The following CHST13 variants were observed in gnomAD, a reference collection of about 807,000 sequenced individuals.
CHST13 encodes the protein carbohydrate sulfotransferase 13.
In CHST13, 1 loss-of-function variant was observed where a neutral mutation model predicts 7.0. The observed-to-expected ratio is 0.14, with a 90% confidence interval of 0.05 to 0.68. The LOEUF (loss-of-function observed/expected upper bound fraction) is 0.68, where lower values mean the gene tolerates loss of function less well. Ranked by LOEUF, CHST13 falls within the 30% of genes least tolerant of loss-of-function variation. CHST13 has a pLI of 0.82. For missense variants in CHST13, 572 were observed against 507.9 expected, an observed-to-expected ratio of 1.13 and a Z score of -1.21; for synonymous variants, 257 against 240.9, an observed-to-expected ratio of 1.07 and a Z score of -0.62.
Position 126,541,959 on chromosome 3 carries a change from G to A in CHST13, c.407G>A (p.Arg136His). 6.3e-7 allele frequency: 1 copy of A among 1,585,280 alleles called. No homozygotes were observed. The highest frequency in any genetic ancestry group is 1.1e-5 in the South Asian group (1 of 87,956). The change falls in exon 3 of 3, where the codon CGC (arginine) becomes CAC (histidine). Residue 136 changes from arginine (R) to histidine (H), a missense_variant. Transcript: ENST00000319340. ...ALSGQARGDP[R>H]AISAQEAHAP... is the part of the protein sequence containing the mutation. Reference sequence around the variant, plus strand: ...AGCGGCCAAGCCCGCGGCGACCCGCGCGCCATCTCCGCGCAAGAGGCGCAC... The same window carrying A: ...AGCGGCCAAGCCCGCGGCGACCCGCACGCCATCTCCGCGCAAGAGGCGCAC...
rs1411563851 is a variant in CHST13, at chr3:126,534,914, C to T, written c.98-1357C>T. On this transcript the variant is annotated intron_variant, in intron 1 of 2. Coordinates refer to ENST00000319340, the MANE Select transcript of CHST13 (RefSeq NM_152889.3). The stretch of plus-strand genomic sequence containing the variant: ...CCCAGCCGGGAGACAGACCAGCATC[C>T]CTGTCCCCAGCCGGGAGACAGACAG... 6.7e-5 allele frequency among the ~76,000 whole-genome samples: 10 copies of T among 149,094 alleles called. No individual in the cohort carries two copies. In the East Asian group the frequency reaches 2.0e-3, roughly 30 times the overall value.
In CHST13 at chr3:126,542,479, G is replaced by A. The variant is rs772828007; in HGVS notation, c.927G>A (p.Arg309=). The A allele has an allele frequency of 2.8e-5, 45 of 1,583,676 alleles. No individual in the cohort carries two copies. In the African/African-American group the frequency reaches 3.7e-4, roughly 13 times the overall value. The change falls in exon 3 of 3, where the codon CGG becomes CGA. Residue 309 remains arginine (R), a synonymous_variant. Transcript: ENST00000319340. ...GCGACCTGGCAGCGCGCCTCTTCCGGGACATCAGCCCCTTCTACCAGCGGC... is the reference window on the plus strand; with the variant it reads ...GCGACCTGGCAGCGCGCCTCTTCCGAGACATCAGCCCCTTCTACCAGCGGC... ...ASRDLAARLF[R]DISPFYQRRL... is the part of the protein sequence containing the mutation.
chr3:126,542,410 G>A lies in CHST13; in HGVS notation c.858G>A (p.Leu286=). The change falls in exon 3 of 3, where the codon CTG becomes CTA. Residue 286 remains leucine, a synonymous_variant. Transcript: ENST00000319340. ...TGGGCCTGGCGGGCGCATCCGACCT[G>A]AGCTTCCCTGGGCCGCCGCGGCCCC... ...FVLGLAGASD[L]SFPGPPRPRG... 1 of 1,554,732 alleles carries A rather than the reference G, an allele frequency of 6.4e-7. No individual in the cohort carries two copies. The highest frequency in any genetic ancestry group is 2.5e-5 in the East Asian group (1 of 40,086).
chr3:126,541,839 T>A lies in CHST13; in HGVS notation c.287T>A (p.Leu96Gln), dbSNP rs368220564. 4 of 1,575,284 alleles carry A rather than the reference T, an allele frequency of 2.5e-6. No homozygotes were observed. The highest frequency in any genetic ancestry group is 3.4e-6 in the Non-Finnish European group (4 of 1,161,216). Reference sequence around the variant, plus strand: ...CAGCGCCTGCTACAGCCGGAGGACCTGCGGCACGTGCTGGTGGACGACGCG... The same window carrying A: ...CAGCGCCTGCTACAGCCGGAGGACCAGCGGCACGTGCTGGTGGACGACGCG... ...RRQRLLQPED[L>Q]RHVLVDDAHG... The change falls in exon 3 of 3, where the codon CTG (leucine) becomes CAG (glutamine). Residue 96 changes from leucine (L) to glutamine (Q), a missense_variant. Coordinates refer to ENST00000319340, the MANE Select transcript of CHST13 (RefSeq NM_152889.3).
chr3:126,531,107 A>C (rs1439272721), intron 1 of CHST13, among the ~76,000 whole-genome samples: 1 of 152,282 alleles, frequency 6.6e-6, no homozygotes, highest in Non-Finnish European at 1.5e-5. Flanking sequence ...TCTGCCTGCC[A>C]GGCACTGCGC....
chr3:126,529,153 G>T, intron 1 of CHST13: 1 of 493,124 alleles, frequency 2.0e-6, no homozygotes, highest in Non-Finnish European at 3.6e-6. Context: ...CGCGAGCCCT[G>T]CTTTGGCTGA....
chr3:126,535,361 C>G (rs886186328), intron 1 of CHST13, among the ~76,000 whole-genome samples: 2 of 149,344 alleles, frequency 1.3e-5, no homozygotes, highest in South Asian at 2.1e-4. Flanking sequence ...GGGAGACACA[C>G]AGACAGCATC....
intron 1 of CHST13, among the ~76,000 whole-genome samples, chr3:126,525,527 C>A (rs1008909830): frequency 1.1e-4 from 16 of 152,154 alleles, no homozygotes; most frequent in Admixed American, 7.2e-4. Context: ...CTTTCCAGCA[C>A]CCCCACAACC....
rs749302068 is a variant in CHST13, at chr3:126,542,062, C to G, written c.510C>G (p.Phe170Leu). Reference sequence around the variant, plus strand: ...GGCGCCTGCGCGCCTACTTGGCCTTCCTGTTCGTGCGGGAGCCCTTCGAGC... The same window carrying G: ...GGCGCCTGCGCGCCTACTTGGCCTTGCTGTTCGTGCGGGAGCCCTTCGAGC... ...INRRLRAYLA[F>L]LFVREPFERL... Residue 170 changes from phenylalanine (F) to leucine (L), a missense_variant, in exon 3 of 3, where the codon TTC becomes TTG. By Grantham distance (22) the Phe-to-Leu change is conservative. Coordinates refer to ENST00000319340, the MANE Select transcript of CHST13 (RefSeq NM_152889.3). 1 of 1,582,034 alleles carries G rather than the reference C, an allele frequency of 6.3e-7. No homozygotes were observed. The highest frequency in any genetic ancestry group is 8.6e-7 in the Non-Finnish European group (1 of 1,168,408).
intron 1 of CHST13, chr3:126,529,496 A>G (rs2107562778): frequency 1.2e-6 from 1 of 846,870 alleles, no homozygotes; most frequent in African/African-American, 1.8e-5. Context: ...TTTCTGGCAC[A>G]GCAAGGAAGC....
At chr3:126,540,252 T>C (rs572088691) in intron 2 of CHST13, among the ~76,000 whole-genome samples, 20 of 152,310 alleles carry the variant, frequency 1.3e-4, no homozygotes, top group African/African-American at 4.1e-4. Context: ...TACAACTCTT[T>C]CAAACCCTAC....
In CHST13 at chr3:126,541,951, C is replaced by G. The variant is rs763909971; in HGVS notation, c.399C>G (p.Gly133=). The change falls in exon 3 of 3, where the codon GGC becomes GGG. Residue 133 remains glycine (G), a synonymous_variant. Coordinates refer to ENST00000319340, the MANE Select transcript of CHST13 (RefSeq NM_152889.3). ...TGGCGCTGAGCGGCCAAGCCCGCGG[C>G]GACCCGCGCGCCATCTCCGCGCAAG... is the stretch of plus-strand genomic sequence containing the variant. The part of the protein sequence containing the change: ...VLLALSGQAR[G]DPRAISAQEA... 5 of 1,586,332 alleles carry G rather than the reference C, an allele frequency of 3.2e-6. No homozygotes were observed. Among genetic ancestry groups the G allele is most frequent in the Admixed American group, 1.7e-5 (1 of 57,314 alleles).
intron 1 of CHST13, among the ~76,000 whole-genome samples, chr3:126,535,389 G>C (rs1576752360): frequency 6.7e-6 from 1 of 149,870 alleles, no homozygotes; most frequent in East Asian, 2.0e-4. Flanking sequence ...CCAGCTGGTA[G>C]ACAGACAGAC....
At chr3:126,537,649 G>A (rs961582132) in intron 2 of CHST13, among the ~76,000 whole-genome samples, 1 of 152,224 alleles carries the variant, frequency 6.6e-6, no homozygotes, top group African/African-American at 2.4e-5. Context: ...GGTTCCACTA[G>A]CTCTGGCGGC....
intron 1 of CHST13, among the ~76,000 whole-genome samples, chr3:126,535,319 GAGAC>G (rs1576752245): frequency 6.7e-6 from 1 of 148,258 alleles, no homozygotes; most frequent in African/African-American, 2.5e-5. Context: ...CCTCAGCCAG[GAGAC>G]AGACAGACAG....
chr3:126,531,701 A>G (rs993124778), intron 1 of CHST13, among the ~76,000 whole-genome samples: 2 of 152,162 alleles, frequency 1.3e-5, no homozygotes, highest in Admixed American at 6.5e-5. Flanking sequence ...CATTTTTATT[A>G]TCCATTCATC....
intron 1 of CHST13, chr3:126,529,393 GA>G: frequency 2.3e-6 from 3 of 1,289,196 alleles, no homozygotes; most frequent in Non-Finnish European, 3.0e-6. Flanking sequence ...CGCAAGGGGG[GA>G]CAGGTGTCAG....
intron 1 of CHST13, among the ~76,000 whole-genome samples, chr3:126,534,246 G>A (rs1936715859): frequency 6.6e-6 from 1 of 152,136 alleles, no homozygotes. Context: ...TCATATATAG[G>A]CTATATTACT....
intron 2 of CHST13, among the ~76,000 whole-genome samples, chr3:126,539,016 G>C (rs1936863566): frequency 6.6e-6 from 1 of 152,200 alleles, no homozygotes; most frequent in Non-Finnish European, 1.5e-5. Context: ...AGGCGTGTAA[G>C]TAGTATCCAC....
Sources: allele counts gnomAD v4.1 joint callset (sites outside exome capture counted in the v4.1 genomes callset), GRCh38; gene constraint gnomAD v4.1.1; transcripts MANE v1.5; gene names NCBI Gene and HGNC (gene_info 2026-07-23, HGNC 2026-07-21).